TCERG1L: variants seen among roughly 807,000 people sequenced by gnomAD.
TCERG1L encodes transcription elongation regulator 1-like protein.
TCERG1L carries 37 observed loss-of-function variants against 56.3 expected under a neutral mutation model. The ratio of observed to expected loss-of-function variants is 0.66; its 90% CI spans 0.51 to 0.87. TCERG1L has a LOEUF of 0.87. Ranked by LOEUF, TCERG1L falls within the 40% of genes least tolerant of loss-of-function variation. The probability of loss-of-function intolerance (pLI) is 0.00; values close to 1 mark genes in which losing one functional copy is unlikely to be tolerated. For missense variants in TCERG1L, 799 were observed against 774.2 expected, an observed-to-expected ratio of 1.03 and a Z score of -0.38; for synonymous variants, 324 against 326.3, an observed-to-expected ratio of 0.99 and a Z score of 0.08.
At chr10:131,303,610 T>G (rs1276935066) in intron 3 of TCERG1L, among the ~76,000 whole-genome samples, 4 of 152,156 alleles carry the variant, frequency 2.6e-5, no homozygotes, top group Non-Finnish European at 5.9e-5. Context: ...AATATAGGTT[T>G]GTTGTTTGCT....
intron 3 of TCERG1L, among the ~76,000 whole-genome samples, chr10:131,306,292 C>A (rs1490288606): frequency 6.6e-6 from 1 of 151,968 alleles, no homozygotes; most frequent in Non-Finnish European, 1.5e-5. Context: ...TTTCATGAAG[C>A]AACTCAGAAA....
intron 8 of TCERG1L, among the ~76,000 whole-genome samples, chr10:131,120,585 G>C (rs1193770824): frequency 2.6e-5 from 4 of 152,222 alleles, no homozygotes; most frequent in Admixed American, 1.3e-4. Context: ...AGTTTCCCCA[G>C]CCAGGCTGAG....
chr10:131,202,256 T>C (rs1253298388), intron 4 of TCERG1L, among the ~76,000 whole-genome samples: 1 of 152,164 alleles, frequency 6.6e-6, no homozygotes, highest in African/African-American at 2.4e-5. Context: ...TGCGCATGTC[T>C]GCACCGTGGG....
At chr10:131,127,401 C>T (rs1160066706) in intron 8 of TCERG1L, among the ~76,000 whole-genome samples, 4 of 152,212 alleles carry the variant, frequency 2.6e-5, no homozygotes, top group African/African-American at 7.2e-5. Flanking sequence ...AGGAGGCAGC[C>T]CCCGGGCCTC....
intron 4 of TCERG1L, among the ~76,000 whole-genome samples, chr10:131,181,091 C>A (rs1216386923): frequency 6.6e-6 from 1 of 152,196 alleles, no homozygotes; most frequent in African/African-American, 2.4e-5. Context: ...CAGACCATAA[C>A]CCCAGAGTCC....
chr10:131,281,579 CA>C (rs1285932420), intron 3 of TCERG1L, among the ~76,000 whole-genome samples: 1 of 152,072 alleles, frequency 6.6e-6, no homozygotes, highest in Admixed American at 6.5e-5. Context: ...GAGCCAGACA[CA>C]AAGTTTGGCC....
chr10:131,204,901 T>C (rs1319858795), intron 4 of TCERG1L, among the ~76,000 whole-genome samples: 1 of 152,118 alleles, frequency 6.6e-6, no homozygotes, highest in African/African-American at 2.4e-5. Context: ...ACAAGCCCAG[T>C]GGCCTTTCTG....
At chr10:131,289,583 TCTC>T (rs571381566) in intron 3 of TCERG1L, among the ~76,000 whole-genome samples, 604 of 52,862 alleles carry the variant, frequency 0.011, 185 homozygotes, top group African/African-American at 0.03. Flanking sequence ...ACTGCCTCCA[TCTC>T]CTATCAATGT....
At chr10:131,167,459 T>C (rs1846044032) in intron 4 of TCERG1L, among the ~76,000 whole-genome samples, 1 of 152,218 alleles carries the variant, frequency 6.6e-6, no homozygotes, top group African/African-American at 2.4e-5. Flanking sequence ...CTGGACTCCA[T>C]CTATGCCCAG....
At chr10:131,265,082 G>A (rs938976272) in intron 3 of TCERG1L, among the ~76,000 whole-genome samples, 5 of 151,956 alleles carry the variant, frequency 3.3e-5, no homozygotes, top group African/African-American at 9.7e-5. Context: ...TTTTTTTAAC[G>A]AACTCAATCT....
intron 4 of TCERG1L, among the ~76,000 whole-genome samples, chr10:131,206,018 T>C (rs1845520821): frequency 6.6e-6 from 1 of 152,184 alleles, no homozygotes; most frequent in African/African-American, 2.4e-5. Context: ...GGTCTTACTA[T>C]AGCTCTGTAG....
At chr10:131,248,503 C>T (rs902329709) in intron 4 of TCERG1L, among the ~76,000 whole-genome samples, 4 of 152,206 alleles carry the variant, frequency 2.6e-5, no homozygotes, top group African/African-American at 9.6e-5. Flanking sequence ...CCGTCAGCCA[C>T]ACCTGGTGCC....
chr10:131,195,792 C>T (rs1845354995), intron 4 of TCERG1L, among the ~76,000 whole-genome samples: 1 of 152,226 alleles, frequency 6.6e-6, no homozygotes, highest in South Asian at 2.1e-4. Flanking sequence ...AGCATCTTGT[C>T]TTCCGCAAGG....
intron 6 of TCERG1L, among the ~76,000 whole-genome samples, chr10:131,158,243 G>A (rs1452955771): frequency 6.6e-6 from 1 of 152,166 alleles, no homozygotes; most frequent in Non-Finnish European, 1.5e-5. Context: ...TTTTAAACCA[G>A]TTTCTACCAC....
intron 4 of TCERG1L, among the ~76,000 whole-genome samples, chr10:131,181,120 C>G (rs996386312): frequency 1.3e-5 from 2 of 152,248 alleles, no homozygotes; most frequent in Non-Finnish European, 2.9e-5. Context: ...GCGCTGCTCC[C>G]TGATCTACGT....
chr10:131,206,185 G>A (rs933577751), intron 4 of TCERG1L, among the ~76,000 whole-genome samples: 2 of 152,234 alleles, frequency 1.3e-5, no homozygotes, highest in African/African-American at 4.8e-5. Flanking sequence ...CTGCCAATCG[G>A]GTGTACGCCA....
chr10:131,278,335 T>C, intron 3 of TCERG1L, among the ~76,000 whole-genome samples: 1 of 150,800 alleles, frequency 6.6e-6, no homozygotes, highest in Admixed American at 6.6e-5. Context: ...TCTTTTCTTT[T>C]TTCTTTTTTT....
At chr10:131,253,904 G>A (rs1328448370) in intron 4 of TCERG1L, among the ~76,000 whole-genome samples, 4 of 152,220 alleles carry the variant, frequency 2.6e-5, no homozygotes, top group African/African-American at 9.7e-5. Flanking sequence ...CAGTGGGGGA[G>A]AGAAGATAGG....
intron 4 of TCERG1L, among the ~76,000 whole-genome samples, chr10:131,207,493 G>A (rs1394657232): frequency 6.6e-6 from 1 of 152,172 alleles, no homozygotes; most frequent in African/African-American, 2.4e-5. Context: ...TGGCAATGCC[G>A]GCTTCTCCCT....
Sources: allele counts gnomAD v4.1 joint callset (sites outside exome capture counted in the v4.1 genomes callset), GRCh38; gene constraint gnomAD v4.1.1; transcripts MANE v1.5; gene names NCBI Gene and HGNC (gene_info 2026-07-23, HGNC 2026-07-21).